The following MGA variants were observed in gnomAD, a reference collection of about 807,000 sequenced individuals.
MGA encodes MAX dimerization protein MGA, also known as MAX gene-associated protein.
MGA carries 40 observed loss-of-function variants against 261.1 expected under a neutral mutation model. The observed-to-expected ratio is 0.15, with a 90% CI of 0.12 to 0.20. The LOEUF (loss-of-function observed/expected upper bound fraction) is 0.20, where lower values mean the gene tolerates loss of function less well. Among genes scored for constraint, MGA ranks in the 10% least tolerant of loss-of-function variants. The pLI, the probability that MGA is intolerant of heterozygous loss-of-function variation, is 1.00. For synonymous variants in MGA, 1,302 were observed against 1,290.6 expected (o/e 1.01, Z -0.19); for missense variants, 3,397 against 3,630.5 (o/e 0.94, Z 1.65).
At chr15:41,690,260 A>G (rs1179151910) in intron 2 of MGA, among the ~76,000 whole-genome samples, 1 of 152,186 alleles carries the variant, frequency 6.6e-6, no homozygotes, top group Admixed American at 6.5e-5. Flanking sequence ...CATGTGTAGC[A>G]TGTATCTGTA....
At chr15:41,674,963 A>G (rs772872871) in intron 2 of MGA, among the ~76,000 whole-genome samples, 14 of 151,408 alleles carry the variant, frequency 9.2e-5, no homozygotes, top group Non-Finnish European at 1.9e-4. Context: ...TTTTTTTTGC[A>G]TTAGCTATGA....
At chr15:41,676,514 C>T (rs2058386409) in intron 2 of MGA, among the ~76,000 whole-genome samples, 1 of 152,150 alleles carries the variant, frequency 6.6e-6, no homozygotes. Context: ...CAAATATGAA[C>T]AGTTTTACAA....
intron 5 of MGA, among the ~76,000 whole-genome samples, chr15:41,699,820 T>C (rs1456701365): frequency 2.0e-5 from 3 of 152,154 alleles, no homozygotes; most frequent in African/African-American, 7.2e-5. Flanking sequence ...TAGTAGTATA[T>C]TTAGGTGTGT....
At chr15:41,706,916 T>C (rs1224997561) in intron 5 of MGA, among the ~76,000 whole-genome samples, 1 of 152,214 alleles carries the variant, frequency 6.6e-6, no homozygotes, top group Non-Finnish European at 1.5e-5. Flanking sequence ...GCTTCAGTTT[T>C]ATTAAAATTT....
intron 15 of MGA, among the ~76,000 whole-genome samples, chr15:41,746,499 C>T (rs913083594): frequency 1.5e-5 from 2 of 133,972 alleles, no homozygotes; most frequent in African/African-American, 2.9e-5. Flanking sequence ...GAGCCGAGAT[C>T]TTGCCATTGC....
At chr15:41,624,846 C>G (rs1448026644) in intron 1 of MGA, among the ~76,000 whole-genome samples, 1 of 152,142 alleles carries the variant, frequency 6.6e-6, no homozygotes, top group Non-Finnish European at 1.5e-5. Context: ...GTTTTCCAGT[C>G]TTGAAATAGA....
intron 2 of MGA, among the ~76,000 whole-genome samples, chr15:41,680,116 G>C (rs775936481): frequency 6.6e-6 from 1 of 152,210 alleles, no homozygotes; most frequent in Non-Finnish European, 1.5e-5. Context: ...ATAGCTTTAT[G>C]ATGGTAACTG....
chr15:41,682,438 C>G (rs2058733911), intron 2 of MGA, among the ~76,000 whole-genome samples: 1 of 152,106 alleles, frequency 6.6e-6, no homozygotes, highest in African/African-American at 2.4e-5. Context: ...TGCTATCATC[C>G]TGCTAACTTT....
At chr15:41,625,874 A>C (rs2056438739) in intron 1 of MGA, among the ~76,000 whole-genome samples, 1 of 152,196 alleles carries the variant, frequency 6.6e-6, no homozygotes. Flanking sequence ...TTTTGTAGAA[A>C]TATACCTGTA....
chr15:41,714,090 G>A (rs527649026), intron 9 of MGA, among the ~76,000 whole-genome samples: 1 of 152,070 alleles, frequency 6.6e-6, no homozygotes, highest in Non-Finnish European at 1.5e-5. Flanking sequence ...TTGTTCAAAT[G>A]TATTGAAATG....
Position 41,764,955 on chromosome 15 carries a change from T to G in MGA, c.7814T>G (p.Leu2605Arg). The G allele has an allele frequency of 6.2e-7, 1 of 1,614,052 alleles. No homozygotes were observed. Among genetic ancestry groups the G allele is most frequent in the East Asian group, 2.2e-5 (1 of 44,890 alleles). The change falls in exon 23 of 24, where the codon CTC (leucine) becomes CGC (arginine). Residue 2605 changes from leucine to arginine, a missense_variant. Physicochemically the swap from Leu to Arg is moderately radical, Grantham distance 102. Coordinates refer to ENST00000219905, the MANE Select transcript of MGA (RefSeq NM_001164273.2). ...GTGATGACTCCGCAAGGGCAATTGC[T>G]CACCCTAAAAGGTCCCCTATTCTCA...
chr15:41,621,718 C>CGG (rs1222502335), intron 1 of MGA: 4 of 65,824 alleles, frequency 6.1e-5, no homozygotes, highest in African/African-American at 1.7e-4. Context: ...GTGGCGGGGG[C>CGG]GGGGGGGCGC....
chr15:41,765,014 G>C lies in MGA; in HGVS notation c.7873G>C (p.Glu2625Gln), dbSNP rs369184247. 62 of 1,614,006 alleles carry C rather than the reference G, an allele frequency of 3.8e-5. No homozygotes were observed. In the African/African-American group the frequency reaches 7.9e-4, roughly 20 times the overall value. The stretch of plus-strand genomic sequence containing the variant: ...GGTAGCTGTTTCTCCTGATCTCTTA[G>C]AATCTGATCTTAAGCCTCAAGTTGC... The change falls in exon 23 of 24, where the codon GAA becomes CAA. Residue 2625 changes from glutamate (E) to glutamine (Q), a missense_variant. Physicochemically the swap from Glu to Gln is conservative, Grantham distance 29. Transcript: ENST00000219905.
intron 1 of MGA, among the ~76,000 whole-genome samples, chr15:41,625,707 C>A (rs1461914423): frequency 6.6e-6 from 1 of 151,562 alleles, no homozygotes; most frequent in East Asian, 1.9e-4. Context: ...GAGTGTGTGT[C>A]CCAAAAAATA....
chr15:41,660,991 G>A (rs2057366553), intron 1 of MGA, among the ~76,000 whole-genome samples: 1 of 152,242 alleles, frequency 6.6e-6, no homozygotes, highest in South Asian at 2.1e-4. Flanking sequence ...GGGAAACGGT[G>A]TCGGCGTCGC....
rs918621599 is a variant in MGA, at chr15:41,669,239, A to G, written c.345A>G (p.Leu115=). ...ACTGTCGTTATTGGATAACAGGTTTAGATTCAAATTTGAAGTATATTCTTG... is the reference window on the plus strand; with the variant it reads ...ACTGTCGTTATTGGATAACAGGTTTGGATTCAAATTTGAAGTATATTCTTG... The change falls in exon 2 of 24, where the codon TTA becomes TTG. Residue 115 remains leucine (L), a synonymous_variant. Transcript: ENST00000219905. The G allele has an allele frequency of 1.9e-6, 3 of 1,614,042 alleles. No homozygotes were observed. In the Admixed American group the frequency reaches 5.0e-5, roughly 27 times the overall value.
Position 41,750,276 on chromosome 15 carries a change from C to T in MGA, c.6669C>T (p.Asp2223=), listed in dbSNP as rs755801266. The T allele has an allele frequency of 1.2e-6, 2 of 1,613,984 alleles. No homozygotes were observed. Among genetic ancestry groups the T allele is most frequent in the South Asian group, 2.2e-5 (2 of 91,086 alleles). ...TTCAGCAAGAACAAGGCATCTCTGA[C>T]TTACTTGGAAAAAGTGGAATTACTG... Residue 2223 remains aspartate, a synonymous_variant, in exon 17 of 24, where the codon GAC becomes GAT. Transcript: ENST00000219905.
intron 5 of MGA, among the ~76,000 whole-genome samples, chr15:41,704,890 TTA>T (rs369012515): frequency 6.6e-6 from 1 of 152,126 alleles, no homozygotes; most frequent in Non-Finnish European, 1.5e-5. Flanking sequence ...AGCTTTATCT[TTA>T]TGAGTCTTTT....
intron 5 of MGA, among the ~76,000 whole-genome samples, chr15:41,699,732 C>A (rs2151339441): frequency 6.6e-6 from 1 of 152,266 alleles, no homozygotes; most frequent in East Asian, 1.9e-4. Context: ...GATCTCCTGA[C>A]CTTGTGATCC....
Sources: allele counts gnomAD v4.1 joint callset (sites outside exome capture counted in the v4.1 genomes callset), GRCh38; gene constraint gnomAD v4.1.1; transcripts MANE v1.5; gene names NCBI Gene and HGNC (gene_info 2026-07-23, HGNC 2026-07-21).